CYP51A1: variants seen among roughly 807,000 people sequenced by gnomAD.
The protein encoded by CYP51A1 is cytochrome P450 family 51 subfamily A member 1.
CYP51A1 carries 45 observed loss-of-function variants against 53.5 expected under a neutral mutation model. The ratio of observed to expected loss-of-function variants is 0.84; its 90% CI spans 0.66 to 1.08. CYP51A1 has a LOEUF of 1.08. Among genes scored for constraint, CYP51A1 ranks in the 50% least tolerant of loss-of-function variants. The pLI is 0.00. For synonymous variants in CYP51A1, 181 were observed against 217.7 expected (o/e 0.83, Z 1.48); for missense variants, 462 against 621.7 (o/e 0.74, Z 2.73).
In CYP51A1 at chr7:92,113,566, A is replaced by G; in HGVS notation, c.*99T>C. 1 of 1,153,512 alleles carries G rather than the reference A, an allele frequency of 8.7e-7. No individual in the cohort carries two copies. Among genetic ancestry groups the G allele is most frequent in the Non-Finnish European group, 1.2e-6 (1 of 803,882 alleles). 71.5% of individuals were successfully genotyped at this position (1,153,512 alleles called of 1,614,324 possible). On this transcript the variant is annotated 3_prime_UTR_variant, in exon 10 of 10. Transcript: ENST00000003100. ...GCTTTTAGAATTACACACTTAAAAA[A>G]ACAGTAAACTACAAGAGTTGTTTTG...
At chr7:92,116,041 G>A (rs1402057136) in intron 9 of CYP51A1, among the ~76,000 whole-genome samples, 3 of 152,240 alleles carry the variant, frequency 2.0e-5, no homozygotes, top group African/African-American at 7.2e-5. Context: ...GGAGGCCAAG[G>A]TGGGCAGATT....
rs1436909713 is a variant in CYP51A1, at chr7:92,112,208, T to TA, written c.*1456dup. The TA allele has an allele frequency of 1.3e-5, 2 of 152,324 alleles. No homozygotes were observed. The highest frequency in any genetic ancestry group is 1.9e-4 in the East Asian group (1 of 5,180). 9.4% of individuals were successfully genotyped at this position (152,324 alleles called of 1,614,324 possible). On this transcript the variant is annotated 3_prime_UTR_variant, in exon 10 of 10. Transcript: ENST00000003100. ...TTAGCAGAGATTCTGCCTTCACAATTAGAGTTTAACATGAGTCTTCCAGTG... is the reference window on the plus strand; with the variant it reads ...TTAGCAGAGATTCTGCCTTCACAATTAAGAGTTTAACATGAGTCTTCCAGTG...
intron 7 of CYP51A1, among the ~76,000 whole-genome samples, 194 bp from the exon 8 acceptor site, chr7:92,118,809 C>T (rs929094793): frequency 2.6e-5 from 4 of 152,060 alleles, no homozygotes; most frequent in African/African-American, 4.8e-5. Context: ...GTAACAGAAG[C>T]GATTGCCCTG....
chr7:92,114,550 G>A (rs1227941202), intron 9 of CYP51A1, among the ~76,000 whole-genome samples: 1 of 152,080 alleles, frequency 6.6e-6, no homozygotes, highest in Admixed American at 6.6e-5. Flanking sequence ...AGCCAATGAG[G>A]AAAAGCAAGT....
intron 7 of CYP51A1, among the ~76,000 whole-genome samples, chr7:92,122,039 T>C (rs935754324): frequency 6.6e-6 from 1 of 152,036 alleles, no homozygotes; most frequent in African/African-American, 2.4e-5. Context: ...CTACTGAGCT[T>C]ACAGAAATAA....
At chr7:92,133,294 G>A (rs950824714) in intron 1 of CYP51A1, among the ~76,000 whole-genome samples, 1 of 147,890 alleles carries the variant, frequency 6.8e-6, no homozygotes, top group African/African-American at 2.5e-5. Flanking sequence ...TCATTCTGTC[G>A]CCCAGACTGG....
chr7:92,134,471 T>C lies in CYP51A1; in HGVS notation c.-107A>G. The C allele has an allele frequency of 7.9e-7, 1 of 1,264,908 alleles. No homozygotes were observed. The highest frequency in any genetic ancestry group is 1.5e-5 in the African/African-American group (1 of 65,864). 78.4% of individuals were successfully genotyped at this position (1,264,908 alleles called of 1,614,324 possible). A position where few individuals can be genotyped will look rare whatever the true frequency, so the allele number is the denominator to read the frequency against. ...TCCACAGGGGGCCTTGCCCCAGGTC[T>C]CCTACTAAACCCAGCCCCACCCCTC... On this transcript the variant is annotated 5_prime_UTR_variant, in exon 1 of 10. Transcript: ENST00000003100.
chr7:92,112,828 CAAA>C lies in CYP51A1; in HGVS notation c.*834_*836del, dbSNP rs879010642. ...TGGGCAACAGAGCGAGACTCCATCT[CAAA>C]AAAAAAAAAAAAAAAAGGAAGCAGG... On this transcript the variant is annotated 3_prime_UTR_variant, in exon 10 of 10. Transcript: ENST00000003100. The C allele has an allele frequency of 1.1e-4, 5 of 47,144 alleles. No homozygotes were observed. The highest frequency in any genetic ancestry group is 2.4e-4 in the Admixed American group (1 of 4,106). 2.9% of individuals were successfully genotyped at this position (47,144 alleles called of 1,614,324 possible).
At chr7:92,116,915 A>T (rs1331404416) in intron 9 of CYP51A1, 129 bp downstream of exon 9, 2 of 798,854 alleles carry the variant, frequency 2.5e-6, no homozygotes, top group Non-Finnish European at 3.8e-6. Flanking sequence ...TTCTTCTCCT[A>T]AAAAAGTTTG....
upstream of CYP51A1, chr7:92,134,559 C>T (rs1010303486): frequency 6.1e-5 from 36 of 591,932 alleles, 1 homozygote; most frequent in East Asian, 1.8e-4. Flanking sequence ...TGGCCACGCC[C>T]CTTAAATAAC....
chr7:92,131,243 A>C (rs1479503396), intron 2 of CYP51A1, among the ~76,000 whole-genome samples: 1 of 152,240 alleles, frequency 6.6e-6, no homozygotes, highest in Non-Finnish European at 1.5e-5. Flanking sequence ...TATCTAAATT[A>C]ATATTGTGGA....
intron 4 of CYP51A1, among the ~76,000 whole-genome samples, chr7:92,126,887 T>C (rs750594856): frequency 1.3e-5 from 2 of 152,196 alleles, no homozygotes; most frequent in Admixed American, 1.3e-4. Context: ...CACCAATTAG[T>C]ATATCCCAAC....
intron 5 of CYP51A1, among the ~76,000 whole-genome samples, chr7:92,125,448 G>A (rs1819779766): frequency 1.3e-5 from 2 of 152,138 alleles, no homozygotes; most frequent in South Asian, 4.1e-4. Context: ...AGTACAGAAA[G>A]CCTACTAATA....
chr7:92,123,082 G>A, intron 7 of CYP51A1, 38 bp downstream of exon 7: 1 of 1,520,112 alleles, frequency 6.6e-7, no homozygotes, highest in Non-Finnish European at 9.0e-7. Flanking sequence ...GATCCTCAAA[G>A]TCATAAGGCA....
At chr7:92,116,352 T>G (rs1819579844) in intron 9 of CYP51A1, among the ~76,000 whole-genome samples, 1 of 152,236 alleles carries the variant, frequency 6.6e-6, no homozygotes, top group Non-Finnish European at 1.5e-5. Flanking sequence ...GATCTGAAGT[T>G]CCCAAAGGAC....
intron 8 of CYP51A1, among the ~76,000 whole-genome samples, chr7:92,117,903 G>T (rs910691147): frequency 6.6e-6 from 1 of 151,434 alleles, no homozygotes; most frequent in African/African-American, 2.4e-5. Context: ...CAGAAGAATT[G>T]CTTGAACCCG....
chr7:92,123,427 A>G, intron 6 of CYP51A1, 112 bp from the exon 7 acceptor site: 1 of 947,284 alleles, frequency 1.1e-6, no homozygotes. Flanking sequence ...GTGGTCTCTT[A>G]TATTTGACTA....
rs1018440388 is a variant in CYP51A1 at position 92,132,057 on chromosome 7, C to A, written c.193-185G>T. On this transcript the variant is annotated intron_variant, in intron 1 of 9. Transcript: ENST00000003100. ...AATTGCAAATACCTCAAGAGAGTAG[C>A]TATTGTAGAAAAGAACAGAAACTCA... 2.9e-5 allele frequency: 13 copies of A among 454,946 alleles called. No individual in the cohort carries two copies. The East Asian group carries it at 4.0e-4, about 14-fold the overall frequency. 28.2% of individuals were successfully genotyped at this position (454,946 alleles called of 1,614,324 possible). A position where few individuals can be genotyped will look rare whatever the true frequency, so the allele number is the denominator to read the frequency against.
chr7:92,125,482 A>G (rs1427051729), intron 5 of CYP51A1, among the ~76,000 whole-genome samples: 3 of 152,268 alleles, frequency 2.0e-5, no homozygotes, highest in Non-Finnish European at 4.4e-5. Context: ...GCACTAAGCT[A>G]TAGATCAAGT....
Sources: gnomAD v4.1 joint callset for allele counts (sites outside exome capture counted in the v4.1 genomes callset) on GRCh38, gnomAD v4.1.1 for gene constraint, MANE v1.5 for transcripts, NCBI Gene and HGNC (gene_info 2026-07-23, HGNC 2026-07-21) for gene names.